ART3: variants seen among roughly 807,000 people sequenced by gnomAD.
ART3 encodes the protein ADP-ribosyltransferase 3 (inactive).
In ART3, 49 loss-of-function variants were observed where a neutral mutation model predicts 48.5. The ratio of observed to expected loss-of-function variants is 1.01; its 90% CI spans 0.80 to 1.28. ART3 has a LOEUF of 1.28. Ranked by LOEUF, ART3 falls within the 50% of genes most tolerant of loss-of-function variation. ART3 has a pLI of 0.00. For missense variants in ART3, 438 were observed against 454.3 expected, an observed-to-expected ratio of 0.96 and a Z score of 0.33; for synonymous variants, 145 against 157.2, an observed-to-expected ratio of 0.92 and a Z score of 0.58.
chr4:76,062,490 A>G (rs1285554255), intron 1 of ART3, among the ~76,000 whole-genome samples: 1 of 152,128 alleles, frequency 6.6e-6, no homozygotes, highest in Non-Finnish European at 1.5e-5. Flanking sequence ...GCATTTAAAA[A>G]TGATCCACCA....
chr4:76,021,745 C>T (rs1732837607), intron 1 of ART3: 1 of 663,176 alleles, frequency 1.5e-6, no homozygotes, highest in African/African-American at 1.8e-5. Context: ...GGATGATGAA[C>T]ATTAACCTTC....
intron 1 of ART3, among the ~76,000 whole-genome samples, chr4:76,053,884 A>G (rs1169573364): frequency 6.6e-6 from 1 of 152,240 alleles, no homozygotes; most frequent in Non-Finnish European, 1.5e-5. Context: ...GTTTCTCACA[A>G]CAAAGCAGCT....
intron 1 of ART3, among the ~76,000 whole-genome samples, chr4:76,031,501 T>C (rs1026156423): frequency 5.3e-5 from 8 of 152,200 alleles, no homozygotes; most frequent in African/African-American, 1.9e-4. Flanking sequence ...TTCATGCAAT[T>C]CCCAGAATAT....
At chr4:76,045,147 A>G (rs1735375119) in intron 1 of ART3, among the ~76,000 whole-genome samples, 1 of 151,978 alleles carries the variant, frequency 6.6e-6, no homozygotes, top group African/African-American at 2.4e-5. Context: ...TTCGTATCCC[A>G]TTCTTCACAA....
intron 1 of ART3, chr4:76,022,861 A>C (rs1242809661): frequency 6.3e-7 from 1 of 1,577,378 alleles, no homozygotes; most frequent in South Asian, 1.2e-5. Context: ...CACAGTGTTC[A>C]TTTTAGGCAT....
intron 1 of ART3, among the ~76,000 whole-genome samples, chr4:76,028,889 A>G (rs1162736321): frequency 6.6e-6 from 1 of 152,218 alleles, no homozygotes; most frequent in African/African-American, 2.4e-5. Context: ...ATTTTAGGCT[A>G]TGCAGTGTTT....
At chr4:76,107,156 G>C (rs1728636541) in intron 10 of ART3, 1 of 152,152 alleles carries the variant, frequency 6.6e-6, no homozygotes, top group African/African-American at 2.4e-5. Flanking sequence ...TCTGTAGGTT[G>C]GGTGAGTTAA....
chr4:76,111,342 C>T (rs60387070), intron 11 of ART3, among the ~76,000 whole-genome samples: 20,011 of 152,062 alleles, frequency 0.13, 1,539 homozygotes, highest in East Asian at 0.35. Flanking sequence ...GAAGCCATGA[C>T]ATTACAAGAA....
chr4:76,042,667 T>G (rs531166466), intron 1 of ART3, among the ~76,000 whole-genome samples: 1 of 151,860 alleles, frequency 6.6e-6, no homozygotes, highest in Non-Finnish European at 1.5e-5. Flanking sequence ...GTTCGGAGTT[T>G]GTTCCTTCTG....
intron 3 of ART3, among the ~76,000 whole-genome samples, chr4:76,085,471 T>C (rs1433685057): frequency 6.6e-6 from 1 of 152,198 alleles, no homozygotes; most frequent in African/African-American, 2.4e-5. Context: ...CCTGCACTTG[T>C]ATATTCCTGA....
At chr4:76,014,927 C>A (rs1014218393) in intron 1 of ART3, among the ~76,000 whole-genome samples, 1 of 152,112 alleles carries the variant, frequency 6.6e-6, no homozygotes, top group African/African-American at 2.4e-5. Flanking sequence ...GAAAAAAAAT[C>A]TGTCAATGAA....
At chr4:76,062,943 AG>A (rs913935314) in intron 1 of ART3, among the ~76,000 whole-genome samples, 1 of 151,884 alleles carries the variant, frequency 6.6e-6, no homozygotes, top group Non-Finnish European at 1.5e-5. Flanking sequence ...TCTCTCTGTA[AG>A]GAATGCTTTC....
chr4:76,068,538 A>G (rs765513408), intron 1 of ART3, among the ~76,000 whole-genome samples: 1 of 152,178 alleles, frequency 6.6e-6, no homozygotes, highest in Non-Finnish European at 1.5e-5. Flanking sequence ...AGAAAACCAA[A>G]TATCACATGT....
intron 1 of ART3, among the ~76,000 whole-genome samples, chr4:76,046,597 ATTTTT>A (rs1019813103): frequency 6.6e-6 from 1 of 152,020 alleles, no homozygotes; most frequent in Non-Finnish European, 1.5e-5. Context: ...CTGGGCAGGC[ATTTTT>A]TGCCCTTCCA....
intron 10 of ART3, among the ~76,000 whole-genome samples, chr4:76,106,780 C>A (rs1445493816): frequency 6.6e-6 from 1 of 152,118 alleles, no homozygotes; most frequent in African/African-American, 2.4e-5. Context: ...CTGTGTTTTA[C>A]TGTTTGCTCC....
intron 1 of ART3, among the ~76,000 whole-genome samples, chr4:76,044,328 G>A (rs1464826791): frequency 1.3e-5 from 2 of 152,066 alleles, no homozygotes; most frequent in Non-Finnish European, 2.9e-5. Flanking sequence ...CCCCTAAGAA[G>A]GTGCAGAGTC....
intron 1 of ART3, among the ~76,000 whole-genome samples, chr4:76,047,489 GC>G (rs1735622749): frequency 6.6e-6 from 1 of 151,952 alleles, no homozygotes; most frequent in African/African-American, 2.4e-5. Context: ...TTTTCTTAAG[GC>G]CTCTCATAGC....
At chr4:76,090,302 G>T (rs755014770) in intron 3 of ART3, among the ~76,000 whole-genome samples, 1 of 152,200 alleles carries the variant, frequency 6.6e-6, no homozygotes, top group East Asian at 1.9e-4. Flanking sequence ...CAGAGAGAAC[G>T]TATTGCATAA....
chr4:76,018,221 T>A (rs776395699), intron 1 of ART3, among the ~76,000 whole-genome samples: 2 of 152,146 alleles, frequency 1.3e-5, no homozygotes, highest in Admixed American at 6.5e-5. Flanking sequence ...GTGGACTTCA[T>A]AAAGAAAATG....
Sources: gnomAD v4.1 joint callset for allele counts (sites outside exome capture counted in the v4.1 genomes callset) on GRCh38, gnomAD v4.1.1 for gene constraint, MANE v1.5 for transcripts, NCBI Gene and HGNC (gene_info 2026-07-23, HGNC 2026-07-21) for gene names.